The following FSTL5 variants were observed in gnomAD, a reference collection of about 807,000 sequenced individuals.
The protein encoded by FSTL5 is follistatin-related protein 5.
FSTL5 carries 62 observed loss-of-function variants against 89.1 expected under a neutral mutation model. The ratio of observed to expected loss-of-function variants is 0.70; its 90% CI spans 0.57 to 0.86. The LOEUF is 0.86. FSTL5 is among the 40% of genes least tolerant of loss of function. The probability of loss-of-function intolerance (pLI) is 0.00; values close to 1 mark genes in which losing one functional copy is unlikely to be tolerated. For synonymous variants in FSTL5, 383 were observed against 346.2 expected (o/e 1.11, Z -1.18); for missense variants, 1,057 against 1,001.6 (o/e 1.06, Z -0.75).
chr4:162,009,677 A>G (rs1736706341), intron 3 of FSTL5, among the ~76,000 whole-genome samples: 1 of 152,100 alleles, frequency 6.6e-6, no homozygotes, highest in Admixed American at 6.5e-5. Context: ...AATAGGTGGC[A>G]TAAAATGAAA....
At position 162,038,167 on chromosome 4, in the gene FSTL5, G is replaced by T. The variant is rs142569172; in HGVS notation, c.127-4509C>A. 2.5e-3 allele frequency among the ~76,000 whole-genome samples: 386 copies of T among 151,970 alleles called. 1 individual carries two copies. The highest frequency in any genetic ancestry group is 9.0e-3 in the African/African-American group (374 of 41,550). On this transcript the variant is annotated intron_variant, in intron 2 of 15. Coordinates refer to ENST00000306100, the MANE Select transcript of FSTL5 (RefSeq NM_020116.5). ...TTCTTTCAAAAGATTTTCTAATAAA[G>T]TGAACTTGACTTAAAATAAGAAATA...
intron 15 of FSTL5, among the ~76,000 whole-genome samples, chr4:161,400,220 G>A (rs1731138925): frequency 6.6e-6 from 1 of 151,916 alleles, no homozygotes; most frequent in South Asian, 2.1e-4. Context: ...ACTGCATTTT[G>A]TCTTGTTTGG....
intron 4 of FSTL5, among the ~76,000 whole-genome samples, chr4:161,864,668 G>C (rs1178201859): frequency 6.6e-6 from 1 of 151,968 alleles, no homozygotes; most frequent in Admixed American, 6.6e-5. Flanking sequence ...TCAAGAGATT[G>C]AGACCATCCT....
At chr4:161,586,579 C>T (rs1195982873) in intron 8 of FSTL5, among the ~76,000 whole-genome samples, 1 of 152,212 alleles carries the variant, frequency 6.6e-6, no homozygotes, top group African/African-American at 2.4e-5. Context: ...CTACCACTAT[C>T]TCTTACTTGG....
chr4:161,648,894 A>G (rs951513212), intron 7 of FSTL5, among the ~76,000 whole-genome samples: 4 of 152,204 alleles, frequency 2.6e-5, no homozygotes, highest in African/African-American at 4.8e-5. Flanking sequence ...GAATGTGTAC[A>G]TAACAGTACA....
chr4:162,049,979 G>A (rs1247441116), intron 2 of FSTL5, among the ~76,000 whole-genome samples: 1 of 151,862 alleles, frequency 6.6e-6, no homozygotes, highest in East Asian at 1.9e-4. Context: ...TAGTAAAGAA[G>A]AAGATTAAAT....
chr4:161,583,499 T>A (rs28622925), intron 8 of FSTL5, among the ~76,000 whole-genome samples: 2,082 of 152,350 alleles, frequency 0.014, 49 homozygotes, highest in South Asian at 0.053. Flanking sequence ...TAGCAGTTAA[T>A]AGTTAATCCC....
intron 15 of FSTL5, among the ~76,000 whole-genome samples, chr4:161,430,671 C>T (rs1324367372): frequency 6.6e-5 from 10 of 152,124 alleles, no homozygotes; most frequent in African/African-American, 2.2e-4. Context: ...ACCCGGGAGG[C>T]GGAGCTTGCA....
rs186797472 is a variant in FSTL5 at position 161,547,140 on chromosome 4, C to A, written c.1016-4447G>T. Reference sequence around the variant, plus strand: ...CCCCATGACAACAGCCAGCAAAAAACTAAGGCCTCCTGCCAATAGCCACGT... The same window carrying A: ...CCCCATGACAACAGCCAGCAAAAAAATAAGGCCTCCTGCCAATAGCCACGT... On this transcript the variant is annotated intron_variant, in intron 8 of 15. Transcript: ENST00000306100. Among the ~76,000 whole-genome samples the A allele has an allele frequency of 3.1e-4, 47 of 152,142 alleles. No homozygotes were observed. The East Asian group carries it at 6.0e-3, about 20-fold the overall frequency.
intron 3 of FSTL5, among the ~76,000 whole-genome samples, chr4:162,002,076 T>A (rs1245407272): frequency 1.3e-5 from 2 of 152,128 alleles, no homozygotes; most frequent in Admixed American, 1.3e-4. Flanking sequence ...CCTAATTGAT[T>A]ATATAAAAAA....
At chr4:161,733,645 T>C (rs1342746684) in intron 6 of FSTL5, among the ~76,000 whole-genome samples, 1 of 152,044 alleles carries the variant, frequency 6.6e-6, no homozygotes, top group Non-Finnish European at 1.5e-5. Context: ...TTCATTGATG[T>C]CTTCTAACAA....
intron 2 of FSTL5, among the ~76,000 whole-genome samples, chr4:162,056,290 C>T (rs576583638): frequency 3.9e-5 from 6 of 152,068 alleles, no homozygotes; most frequent in African/African-American, 1.4e-4. Context: ...AGAATCAATG[C>T]TGATGATTTT....
intron 6 of FSTL5, among the ~76,000 whole-genome samples, chr4:161,724,911 T>C (rs946844978): frequency 1.3e-5 from 2 of 151,996 alleles, no homozygotes; most frequent in African/African-American, 4.8e-5. Flanking sequence ...ATCCTGAAAA[T>C]TGGCCAGGCG....
chr4:161,908,150 T>C (rs1733589125), intron 4 of FSTL5, among the ~76,000 whole-genome samples: 1 of 152,010 alleles, frequency 6.6e-6, no homozygotes, highest in Admixed American at 6.6e-5. Context: ...AAAAAACATA[T>C]ATCATTGGCC....
intron 15 of FSTL5, among the ~76,000 whole-genome samples, chr4:161,430,629 A>C (rs1438973271): frequency 6.6e-6 from 1 of 152,176 alleles, no homozygotes; most frequent in African/African-American, 2.4e-5. Flanking sequence ...AGTCCCAGCT[A>C]TTTGGGAAGC....
At chr4:161,898,792 G>C (rs7654567) in intron 4 of FSTL5, among the ~76,000 whole-genome samples, 76,163 of 151,498 alleles carry the variant, frequency 0.5, 19,778 homozygotes, top group Middle Eastern at 0.62. Flanking sequence ...ACCATGCCCG[G>C]CTAATTTTTT....
chr4:161,475,472 A>G (rs532200745), intron 13 of FSTL5, among the ~76,000 whole-genome samples: 16 of 152,196 alleles, frequency 1.1e-4, no homozygotes, highest in African/African-American at 3.4e-4. Flanking sequence ...CTCAGACTCA[A>G]TAATTCAATT....
At chr4:161,897,106 T>TATTAGATATCTA (rs1466872463) in intron 4 of FSTL5, among the ~76,000 whole-genome samples, 4 of 151,670 alleles carry the variant, frequency 2.6e-5, no homozygotes, top group Non-Finnish European at 4.4e-5. Context: ...AAATAAAAAA[T>TATTAGATATCTA]ATATAATAAT....
At chr4:161,862,680 C>T (rs1731956765) in intron 4 of FSTL5, among the ~76,000 whole-genome samples, 2 of 151,920 alleles carry the variant, frequency 1.3e-5, no homozygotes, top group African/African-American at 2.4e-5. Flanking sequence ...TGCAGTGAGC[C>T]GAGACCCAGC....
Sources: gnomAD v4.1 joint callset for allele counts (sites outside exome capture counted in the v4.1 genomes callset) on GRCh38, gnomAD v4.1.1 for gene constraint, MANE v1.5 for transcripts, NCBI Gene and HGNC (gene_info 2026-07-23, HGNC 2026-07-21) for gene names.